LEPR: variants seen among roughly 807,000 people sequenced by gnomAD.
LEPR encodes the protein leptin receptor.
LEPR carries 56 observed loss-of-function variants against 114.7 expected under a neutral mutation model. That is an observed-to-expected ratio of 0.49 (90% CI 0.39 to 0.61). LEPR has a LOEUF of 0.61. LEPR is among the 20% of genes least tolerant of loss of function. The pLI is 0.00. For missense variants in LEPR, 1,202 were observed against 1,352.9 expected (o/e 0.89, Z 1.75); for synonymous variants, 443 against 461.4 (o/e 0.96, Z 0.51).
At chr1:65,493,497 G>T (rs994652096) in intron 2 of LEPR, among the ~76,000 whole-genome samples, 1 of 151,754 alleles carries the variant, frequency 6.6e-6, no homozygotes, top group Non-Finnish European at 1.5e-5. Context: ...GGGATGGGGT[G>T]GTCAGTCAAT....
At chr1:65,579,909 T>C (rs1299053949) in intron 5 of LEPR, among the ~76,000 whole-genome samples, 1 of 152,214 alleles carries the variant, frequency 6.6e-6, no homozygotes, top group Non-Finnish European at 1.5e-5. Flanking sequence ...CAAACAGTCA[T>C]TGGTCTATTC....
rs1553157734 is a variant in LEPR at position 65,488,226 on chromosome 1, C to CTCTCTCTCTCTCTCTT, written c.-21+62851_-21+62852insCTCTCTCTCTCTTTCT. Reference sequence around the variant, plus strand: ...TTTCTTTCTTTCTCTCTCTCTCTCTCTCTTTCTTTCTTTCTTTCTTTCTTT... The same window carrying CTCTCTCTCTCTCTCTT: ...TTTCTTTCTTTCTCTCTCTCTCTCTCTCTCTCTCTCTCTCTTTCTTTCTTTCTTTCTTTCTTTCTTT... On this transcript the variant is annotated intron_variant, in intron 2 of 19. Coordinates refer to ENST00000349533, the MANE Select transcript of LEPR (RefSeq NM_002303.6). Among the ~76,000 whole-genome samples, 20 of 67,958 alleles carry CTCTCTCTCTCTCTCTT rather than the reference C, an allele frequency of 2.9e-4. 1 individual carries two copies. Among genetic ancestry groups the CTCTCTCTCTCTCTCTT allele is most frequent in the African/African-American group, 1.0e-3 (12 of 11,446 alleles). The allele number at this position is 67,958 out of a possible 152,430, so 44.6% of individuals were successfully genotyped here.
intron 2 of LEPR, chr1:65,433,553 G>A (rs993909973): frequency 1.0e-6 from 1 of 985,262 alleles, no homozygotes; most frequent in Non-Finnish European, 1.2e-6. Context: ...TGTGATCTGA[G>A]TAATTAGCAG....
intron 5 of LEPR, among the ~76,000 whole-genome samples, chr1:65,589,589 T>C (rs1211071661): frequency 3.3e-5 from 5 of 152,090 alleles, no homozygotes; most frequent in Non-Finnish European, 5.9e-5. Flanking sequence ...GAATTAATTT[T>C]TGTATCTGAT....
chr1:65,626,209 C>G (rs1311952877), intron 19 of LEPR: 1 of 1,594,282 alleles, frequency 6.3e-7, no homozygotes, highest in Non-Finnish European at 8.5e-7. Context: ...GCTGCCGCAC[C>G]TGCTCTCCCT....
chr1:65,546,583 G>A (rs1168835618), intron 2 of LEPR, among the ~76,000 whole-genome samples: 1 of 152,144 alleles, frequency 6.6e-6, no homozygotes, highest in East Asian at 1.9e-4. Context: ...TTGAATGGGA[G>A]TTCACTCATG....
chr1:65,505,316 T>C (rs1648666923), intron 2 of LEPR, among the ~76,000 whole-genome samples: 1 of 152,190 alleles, frequency 6.6e-6, no homozygotes, highest in Non-Finnish European at 1.5e-5. Flanking sequence ...AAATGTCTCG[T>C]AATTTTCCTC....
chr1:65,618,063 T>C lies in LEPR; in HGVS notation c.2312T>C (p.Ile771Thr), dbSNP rs1201194518. ...SPSDYKLMYF[I>T]IEWKNLNEDG... ...AGTGATTACAAGCTAATGTATTTTA[T>C]TATTGAGTGGAAAAATCTTAATGAA... Residue 771 changes from isoleucine to threonine, a missense_variant, in exon 16 of 20, where the codon ATT becomes ACT. Transcript: ENST00000349533. The C allele has an allele frequency of 6.2e-7, 1 of 1,612,566 alleles. No individual in the cohort carries two copies. Among genetic ancestry groups the C allele is most frequent in the Admixed American group, 1.7e-5 (1 of 59,950 alleles).
intron 2 of LEPR, among the ~76,000 whole-genome samples, chr1:65,519,206 G>C (rs1423609031): frequency 2.0e-5 from 3 of 149,194 alleles, no homozygotes; most frequent in Non-Finnish European, 4.4e-5. Flanking sequence ...CTGGAGTGCA[G>C]TGGTGTGATC....
At chr1:65,529,907 A>T (rs1221603457) in intron 2 of LEPR, among the ~76,000 whole-genome samples, 1 of 151,964 alleles carries the variant, frequency 6.6e-6, no homozygotes, top group East Asian at 1.9e-4. Context: ...AGAGGTTTTA[A>T]CCTTGGAATA....
intron 2 of LEPR, chr1:65,525,775 C>T: frequency 1.0e-6 from 1 of 986,174 alleles, no homozygotes; most frequent in Non-Finnish European, 1.2e-6. Context: ...GCCCCGGCGC[C>T]GCCGCCATCT....
intron 2 of LEPR, among the ~76,000 whole-genome samples, chr1:65,529,258 C>G (rs953978158): frequency 6.6e-6 from 1 of 151,972 alleles, no homozygotes; most frequent in Admixed American, 6.6e-5. Context: ...TGGTGCCTCA[C>G]GCCTGTAATC....
chr1:65,423,308 TG>T (rs1646289628), intron 1 of LEPR, among the ~76,000 whole-genome samples: 1 of 151,668 alleles, frequency 6.6e-6, no homozygotes, highest in African/African-American at 2.4e-5. Context: ...AAAAGAGAGA[TG>T]GGGTTGGATT....
intron 19 of LEPR, among the ~76,000 whole-genome samples, chr1:65,626,607 C>T (rs985395702): frequency 6.6e-6 from 1 of 151,990 alleles, no homozygotes; most frequent in Non-Finnish European, 1.5e-5. Context: ...ACTTTTTTCT[C>T]TTTAGCCTGT....
chr1:65,433,005 T>C, intron 2 of LEPR: 1 of 985,410 alleles, frequency 1.0e-6, no homozygotes, highest in Non-Finnish European at 1.2e-6. Flanking sequence ...CAGATGTATC[T>C]TTTCATCTGA....
chr1:65,474,406 G>C (rs1647129579), intron 2 of LEPR, among the ~76,000 whole-genome samples: 1 of 152,160 alleles, frequency 6.6e-6, no homozygotes, highest in Non-Finnish European at 1.5e-5. Flanking sequence ...TGGTGAAAAT[G>C]AATTTAAAGC....
In LEPR at chr1:65,490,757, T is replaced by C. The variant is rs376021311; in HGVS notation, c.-21+65379T>C. Among the ~76,000 whole-genome samples the C allele has an allele frequency of 3.3e-5, 5 of 152,272 alleles. No homozygotes were observed. In the East Asian group the frequency reaches 9.6e-4, roughly 29 times the overall value. ...TTTATCCTTGGGCCTAAAAACAAGT[T>C]CTTGTTAGCCAGCGGCTAGGCCTTT... On this transcript the variant is annotated intron_variant, in intron 2 of 19. Transcript: ENST00000349533.
intron 2 of LEPR, among the ~76,000 whole-genome samples, chr1:65,477,827 G>A (rs940179270): frequency 6.6e-6 from 1 of 152,160 alleles, no homozygotes; most frequent in Admixed American, 6.5e-5. Context: ...CACCCAGATT[G>A]CCTAATTTTT....
chr1:65,615,026 T>C (rs551163078), intron 14 of LEPR, among the ~76,000 whole-genome samples: 1 of 114,820 alleles, frequency 8.7e-6, no homozygotes, highest in South Asian at 2.8e-4. Context: ...AACTGACATG[T>C]TTTTTTTTCA....
Sources: gnomAD v4.1 joint callset for allele counts (sites outside exome capture counted in the v4.1 genomes callset) on GRCh38, gnomAD v4.1.1 for gene constraint, MANE v1.5 for transcripts, NCBI Gene and HGNC (gene_info 2026-07-23, HGNC 2026-07-21) for gene names.